The following IMMP1L variants were observed in gnomAD, a reference collection of about 807,000 sequenced individuals.
The protein encoded by IMMP1L is mitochondrial inner membrane protease subunit 1.
In IMMP1L, 24 loss-of-function variants were observed where a neutral mutation model predicts 21.8. The ratio of observed to expected loss-of-function variants is 1.10; its 90% CI spans 0.80 to 1.55. The LOEUF (loss-of-function observed/expected upper bound fraction) is 1.55. Among genes scored for constraint, IMMP1L ranks in the 40% most tolerant of loss-of-function variants. The probability of loss-of-function intolerance (pLI) is 0.00; values close to 1 mark genes in which losing one functional copy is unlikely to be tolerated. For missense variants in IMMP1L, 195 were observed against 200.7 expected, an observed-to-expected ratio of 0.97 and a Z score of 0.17; for synonymous variants, 46 against 62.8, an observed-to-expected ratio of 0.73 and a Z score of 1.26.
At chr11:31,500,627 A>ACT (rs1288433582) in intron 1 of IMMP1L, among the ~76,000 whole-genome samples, 6 of 150,310 alleles carry the variant, frequency 4.0e-5, no homozygotes, top group Admixed American at 3.3e-4. Context: ...ACACACACAC[A>ACT]CTCCCCAAAG....
At chr11:31,496,346 G>A (rs1041712496) in intron 1 of IMMP1L, among the ~76,000 whole-genome samples, 1 of 152,188 alleles carries the variant, frequency 6.6e-6, no homozygotes, top group Non-Finnish European at 1.5e-5. Context: ...AGGATGTGGT[G>A]AAATTGTAAC....
chr11:31,496,987 TTA>T (rs398115237), intron 1 of IMMP1L, among the ~76,000 whole-genome samples: 1 of 122,036 alleles, frequency 8.2e-6, no homozygotes, highest in East Asian at 2.2e-4. Context: ...TATGATAATC[TTA>T]TATCATATAC....
At chr11:31,492,457 A>T (rs777498427) in intron 1 of IMMP1L, among the ~76,000 whole-genome samples, 1 of 152,174 alleles carries the variant, frequency 6.6e-6, no homozygotes, top group African/African-American at 2.4e-5. Flanking sequence ...TAATAAGGTC[A>T]TTTCTCTTTC....
chr11:31,438,747 A>T (rs1953212633), intron 4 of IMMP1L, among the ~76,000 whole-genome samples: 1 of 151,918 alleles, frequency 6.6e-6, no homozygotes, highest in South Asian at 2.1e-4. Context: ...TATTTTTCTG[A>T]ATTTTTTCAT....
At chr11:31,457,324 A>G (rs891174180) in intron 3 of IMMP1L, among the ~76,000 whole-genome samples, 1 of 152,274 alleles carries the variant, frequency 6.6e-6, no homozygotes. Context: ...AAAAAATAAG[A>G]AAGATCCTAA....
At chr11:31,496,514 A>G (rs1955440592) in intron 1 of IMMP1L, among the ~76,000 whole-genome samples, 2 of 152,118 alleles carry the variant, frequency 1.3e-5, no homozygotes, top group Non-Finnish European at 2.9e-5. Context: ...TCAAACAGAT[A>G]CTTCTATGCC....
At chr11:31,467,862 A>G (rs1408638076) in intron 1 of IMMP1L, among the ~76,000 whole-genome samples, 1 of 151,882 alleles carries the variant, frequency 6.6e-6, no homozygotes, top group Non-Finnish European at 1.5e-5. Context: ...CACAATGACC[A>G]AATTTAGCAG....
intron 4 of IMMP1L, among the ~76,000 whole-genome samples, chr11:31,434,792 G>A (rs1953065997): frequency 6.6e-6 from 1 of 152,108 alleles, no homozygotes; most frequent in Non-Finnish European, 1.5e-5. Context: ...AAGGACATAA[G>A]TTTACTGAAA....
At chr11:31,463,589 G>A (rs1472383131) in intron 1 of IMMP1L, among the ~76,000 whole-genome samples, 2 of 151,996 alleles carry the variant, frequency 1.3e-5, no homozygotes, top group Non-Finnish European at 2.9e-5. Context: ...CCATGTCTTG[G>A]TTGTTTCTTC....
chr11:31,479,752 A>C (rs1030899717), intron 1 of IMMP1L, among the ~76,000 whole-genome samples: 1 of 152,158 alleles, frequency 6.6e-6, no homozygotes, highest in Non-Finnish European at 1.5e-5. Flanking sequence ...TATGTTTCTA[A>C]TGGAAAGCAC....
At chr11:31,455,743 G>A (rs537174372) in intron 4 of IMMP1L, among the ~76,000 whole-genome samples, 1 of 152,084 alleles carries the variant, frequency 6.6e-6, no homozygotes, top group African/African-American at 2.4e-5. Context: ...CAGTTATATT[G>A]TAGAATGACC....
chr11:31,477,530 T>C, intron 1 of IMMP1L: 1 of 984,906 alleles, frequency 1.0e-6, no homozygotes, highest in Non-Finnish European at 1.2e-6. Flanking sequence ...GTTTATAAAA[T>C]TAATCACAGT....
intron 4 of IMMP1L, among the ~76,000 whole-genome samples, chr11:31,447,589 G>A (rs2133590700): frequency 6.6e-6 from 1 of 152,248 alleles, no homozygotes; most frequent in South Asian, 2.1e-4. Flanking sequence ...TCCTTTTCTT[G>A]TTAGCTCTGC....
intron 3 of IMMP1L, among the ~76,000 whole-genome samples, chr11:31,458,278 A>G (rs1293194874): frequency 2.0e-5 from 3 of 152,168 alleles, no homozygotes; most frequent in Non-Finnish European, 2.9e-5. Flanking sequence ...TTTTAAAAGG[A>G]AGCTTATTAA....
At chr11:31,502,688 C>CTT (rs1231676013) in intron 1 of IMMP1L, among the ~76,000 whole-genome samples, 1 of 152,186 alleles carries the variant, frequency 6.6e-6, no homozygotes, top group Non-Finnish European at 1.5e-5. Flanking sequence ...AACACAGTAG[C>CTT]TTTATGTCTA....
chr11:31,508,076 G>A (rs1030161152), intron 1 of IMMP1L, among the ~76,000 whole-genome samples: 5 of 152,230 alleles, frequency 3.3e-5, no homozygotes, highest in African/African-American at 1.2e-4. Flanking sequence ...TACCGAGGTG[G>A]TGGGTTGATC....
chr11:31,487,085 C>A (rs1955103396), intron 1 of IMMP1L, among the ~76,000 whole-genome samples: 1 of 151,478 alleles, frequency 6.6e-6, no homozygotes, highest in South Asian at 2.1e-4. Flanking sequence ...TATTTTACAA[C>A]AAAAAGTTAT....
chr11:31,463,607 G>A (rs1954227894), intron 1 of IMMP1L, among the ~76,000 whole-genome samples: 1 of 152,008 alleles, frequency 6.6e-6, no homozygotes, highest in Non-Finnish European at 1.5e-5. Flanking sequence ...TTCTATTAAG[G>A]CAGATGCTTA....
intron 1 of IMMP1L, among the ~76,000 whole-genome samples, chr11:31,468,327 C>T (rs1291278575): frequency 6.6e-6 from 1 of 152,104 alleles, no homozygotes; most frequent in Non-Finnish European, 1.5e-5. Flanking sequence ...ACTGCAACTT[C>T]CTTTCATATG....
Sources: gnomAD v4.1 joint callset for allele counts (sites outside exome capture counted in the v4.1 genomes callset) on GRCh38, gnomAD v4.1.1 for gene constraint, MANE v1.5 for transcripts, NCBI Gene and HGNC (gene_info 2026-07-23, HGNC 2026-07-21) for gene names.